Variants in FUZ observed in about 807,000 individuals in gnomAD.
FUZ encodes the protein fuzzy planar cell polarity protein.
FUZ carries 31 observed loss-of-function variants against 43.1 expected under a neutral mutation model. The observed-to-expected ratio is 0.72, with a 90% CI of 0.54 to 0.97. FUZ has a LOEUF of 0.97. FUZ is among the 50% of genes least tolerant of loss of function. The pLI is 0.00. For synonymous variants in FUZ, 274 were observed against 250.0 expected (o/e 1.10, Z -0.91); for missense variants, 539 against 543.8 (o/e 0.99, Z 0.09).
At chr19:49,813,417 G>A, upstream of FUZ, 1 of 459,384 alleles carries the variant, frequency 2.2e-6, no homozygotes, top group Non-Finnish European at 4.0e-6. Context: ...AGAGAACCAA[G>A]AAGCCGGATT....
At chr19:49,807,985 C>T (rs754496847) in intron 10 of FUZ, 42 of 296,822 alleles carry the variant, frequency 1.4e-4, no homozygotes, top group Non-Finnish European at 2.4e-4. Context: ...GGCAGTTGTG[C>T]AGAGCGCTGG....
chr19:49,807,993 T>C, intron 10 of FUZ: 1 of 346,220 alleles, frequency 2.9e-6, no homozygotes. Context: ...TGCAGAGCGC[T>C]GGACTGTGTG....
rs1342124795 is a variant in FUZ, at chr19:49,807,238, C to CA, written c.1169dup (p.Leu391AlafsTer32). 3 of 1,612,896 alleles carry CA rather than the reference C, an allele frequency of 1.9e-6. No individual in the cohort carries two copies. Among genetic ancestry groups the CA allele is most frequent in the Non-Finnish European group, 2.5e-6 (3 of 1,179,768 alleles). ...GACTCTGGGGAGACAGCAGCAGCAG[C>CA]AGCCGCCGAAGCCCCAGCTGCAAGG... On this transcript the variant is annotated frameshift_variant, in exon 11 of 11. Transcript: ENST00000313777. LOFTEE classifies it high-confidence loss of function.
Position 49,813,007 on chromosome 19 carries a change from C to A in FUZ, c.100G>T (p.Ala34Ser), listed in dbSNP as rs35138412. The stretch of plus-strand genomic sequence containing the variant: ...GTCCAAGGCCCCACCTGCTGACGGG[C>A]GGGGGCGCCGCCGCGACTGCTCCTG... Reference protein sequence around the residue: ...FCRSSRGGAPARQQLPFSVIG... With the variant: ...FCRSSRGGAPSRQQLPFSVIG... Residue 34 changes from alanine to serine, a missense_variant, in exon 1 of 11, where the codon GCC becomes TCC. Ala to Ser is a moderately conservative substitution (Grantham distance 99). Coordinates refer to ENST00000313777, the MANE Select transcript of FUZ (RefSeq NM_025129.5). 2.4e-3 allele frequency: 3,679 copies of A among 1,550,764 alleles called. 80 individuals carry two copies. The African/African-American group carries it at 0.045, about 19-fold the overall frequency.
At position 49,809,064 on chromosome 19, in the gene FUZ, G is replaced by A; in HGVS notation, c.786+99C>T. 3.3e-6 allele frequency: 4 copies of A among 1,199,632 alleles called. No individual in the cohort carries two copies. The highest frequency in any genetic ancestry group is 4.8e-6 in the Non-Finnish European group (4 of 828,626). The allele number at this position is 1,199,632 out of a possible 1,614,324, so 74.3% of individuals were successfully genotyped here. On this transcript the variant is annotated intron_variant, in intron 7 of 10. Coordinates refer to ENST00000313777, the MANE Select transcript of FUZ (RefSeq NM_025129.5). This position sits in a 1 kb window ranked among gnomAD's most constrained non-coding sequence, Gnocchi z 5.1. ...CTGGAGCGCAGTCCAGAAGAGGCGG[G>A]GCTGGGGAAAGATGCCGCTGGCAGG...
At chr19:49,812,224 G>A in intron 3 of FUZ, 27 bp downstream of exon 3, 1 of 1,546,220 alleles carries the variant, frequency 6.5e-7, no homozygotes, top group Admixed American at 1.7e-5. Context: ...CCTGGTCTGG[G>A]GAGAAAAGAG....
Position 49,809,426 on chromosome 19 carries a change from C to T in FUZ, c.642G>A (p.Pro214=), listed in dbSNP as rs1480409158. ...LLPWLVGSLP[P]QTARDYPVYL... The stretch of plus-strand genomic sequence containing the variant: ...ACACCGGGTAGTCGCGAGCGGTCTG[C>T]GGCGGCAGGGACCCCACCAGCCAGG... The change falls in exon 6 of 11, where the codon CCG becomes CCA. Residue 214 remains proline, a synonymous_variant. Coordinates refer to ENST00000313777, the MANE Select transcript of FUZ (RefSeq NM_025129.5). This position sits in a 1 kb window ranked among gnomAD's most constrained non-coding sequence, Gnocchi z 5.1. 4 of 1,543,558 alleles carry T rather than the reference C, an allele frequency of 2.6e-6. No homozygotes were observed. The African/African-American group carries it at 4.1e-5, about 16-fold the overall frequency.
At chr19:49,811,342 T>C (rs1457359606) in intron 5 of FUZ, 21 bp downstream of exon 5, 2 of 1,535,680 alleles carry the variant, frequency 1.3e-6, no homozygotes, top group Admixed American at 3.8e-5. Context: ...GGTGTAAGAG[T>C]TTCCATAGCA....
Position 49,809,325 on chromosome 19 carries a change from C to G in FUZ, c.690+53G>C, listed in dbSNP as rs1600276368. ...CTTTCCATCGCAGATCCCGCCTCCT[C>G]GCGACTCGGCCCCCAGGTCACATCC... On this transcript the variant is annotated intron_variant, in intron 6 of 10. Transcript: ENST00000313777. This position sits in a 1 kb window ranked among gnomAD's most constrained non-coding sequence, Gnocchi z 5.1. 3 of 1,547,460 alleles carry G rather than the reference C, an allele frequency of 1.9e-6. No homozygotes were observed. The highest frequency in any genetic ancestry group is 4.9e-5 in the East Asian group (2 of 40,912).
At position 49,807,108 on chromosome 19, in the gene FUZ, G is replaced by A. The variant is rs1406057060; in HGVS notation, c.*43C>T. 6 of 1,560,512 alleles carry A rather than the reference G, an allele frequency of 3.8e-6. No homozygotes were observed. The highest frequency in any genetic ancestry group is 3.5e-6 in the Non-Finnish European group (4 of 1,147,634). ...ATTGTGAGCGAATAAACAGAGAGAC[G>A]CTAACAGCCCCATGTCTGTGTCCAT... On this transcript the variant is annotated 3_prime_UTR_variant, in exon 11 of 11. Coordinates refer to ENST00000313777, the MANE Select transcript of FUZ (RefSeq NM_025129.5).
Position 49,811,159 on chromosome 19 carries a change from AAGAG to A in FUZ, c.492+200_492+203del, listed in dbSNP as rs138588199. 5,276 of 648,420 alleles carry A rather than the reference AAGAG, an allele frequency of 8.1e-3. 36 individuals carry two copies. Among genetic ancestry groups the A allele is most frequent in the Middle Eastern group, 0.016 (43 of 2,700 alleles). The allele number at this position is 648,420 out of a possible 1,614,324, so 40.2% of individuals were successfully genotyped here. A position where few individuals can be genotyped will look rare whatever the true frequency, so the allele number is the denominator to read the frequency against. On this transcript the variant is annotated intron_variant, in intron 5 of 10. Transcript: ENST00000313777. The stretch of plus-strand genomic sequence containing the variant: ...AGAGTGAAACTACGTCTCAAATAAA[AAGAG>A]AGAAAGAAAAGAAAAAAGAAAAGAA...
rs539459785 is a variant in FUZ at position 49,812,092 on chromosome 19, A to G, written c.318+159T>C. The stretch of plus-strand genomic sequence containing the variant: ...CACTGCACTCCAGCCTGGGCAACAG[A>G]GCGAGACTCCGTCTCAAAACAAAAC... On this transcript the variant is annotated intron_variant, in intron 3 of 10. Transcript: ENST00000313777. Among the ~76,000 whole-genome samples the G allele has an allele frequency of 8.3e-4, 127 of 152,310 alleles. 2 individuals are homozygous for G. In the South Asian group the frequency reaches 0.02, roughly 24 times the overall value.
rs945175421 is a variant in FUZ, at chr19:49,809,715, C to T, written c.493-140G>A. 2.6e-6 allele frequency: 2 copies of T among 783,274 alleles called. No individual in the cohort carries two copies. The highest frequency in any genetic ancestry group is 4.2e-6 in the Non-Finnish European group (2 of 473,906). 48.5% of individuals were successfully genotyped at this position (783,274 alleles called of 1,614,324 possible). ...AGTGGCCATGCTCCTACGTCTCACC[C>T]TCTCTGAGCCTGAGTTCCTTCACTT... On this transcript the variant is annotated intron_variant, in intron 5 of 10. Transcript: ENST00000313777. This position sits in a 1 kb window ranked among gnomAD's most constrained non-coding sequence, Gnocchi z 5.1.
chr19:49,807,216 T>G lies in FUZ; in HGVS notation c.1192A>C (p.Ser398Arg). The change falls in exon 11 of 11, where the codon AGT (serine) becomes CGT (arginine). Residue 398 changes from serine (S) to arginine (R), a missense_variant. Coordinates refer to ENST00000313777, the MANE Select transcript of FUZ (RefSeq NM_025129.5). The part of the protein sequence containing the change: ...RRLLLLLSPQ[S>R]PTHGLRSLAT... ...AGGCTTCGCAGCCCATGGGTGGGAC[T>G]CTGGGGAGACAGCAGCAGCAGCAGC... is the stretch of plus-strand genomic sequence containing the variant. The G allele has an allele frequency of 6.2e-7, 1 of 1,613,288 alleles. No homozygotes were observed. The highest frequency in any genetic ancestry group is 8.5e-7 in the Non-Finnish European group (1 of 1,179,840).
chr19:49,812,321 A>G lies in FUZ; in HGVS notation c.248T>C (p.Val83Ala). The change falls in exon 3 of 11, where the codon GTT becomes GCT. Residue 83 changes from valine to alanine, a missense_variant. Val to Ala is a moderately conservative substitution (Grantham distance 64). Coordinates refer to ENST00000313777, the MANE Select transcript of FUZ (RefSeq NM_025129.5). ...AGAGATGCCCACCTCAGATGACAGA[A>G]CAATGAGGGTGATGCTGTGGAATGG... is the stretch of plus-strand genomic sequence containing the variant. ...KSFHDSITLIVLSSEVGISEL... is the reference protein window; with the variant it reads ...KSFHDSITLIALSSEVGISEL... The G allele has an allele frequency of 6.2e-7, 1 of 1,613,926 alleles. No homozygotes were observed. The highest frequency in any genetic ancestry group is 8.5e-7 in the Non-Finnish European group (1 of 1,179,774).
rs1248064719 is a variant in FUZ at position 49,809,118 on chromosome 19, T to C, written c.786+45A>G. ...GGGTGGTGGGGAAGGGCCCTCCTGG[T>C]AGCGGGTGTCCTAAGAGCGAAAGCG... is the stretch of plus-strand genomic sequence containing the variant. On this transcript the variant is annotated intron_variant, in intron 7 of 10. Transcript: ENST00000313777. This position sits in a 1 kb window ranked among gnomAD's most constrained non-coding sequence, Gnocchi z 5.1. 6.6e-7 allele frequency: 1 copy of C among 1,518,718 alleles called. No homozygotes were observed. The highest frequency in any genetic ancestry group is 8.9e-7 in the Non-Finnish European group (1 of 1,118,340). 94.1% of individuals were successfully genotyped at this position (1,518,718 alleles called of 1,614,324 possible).
In FUZ at chr19:49,811,371, G is replaced by C; in HGVS notation, c.484C>G (p.Leu162Val). 1 of 1,606,418 alleles carries C rather than the reference G, an allele frequency of 6.2e-7. No homozygotes were observed. Among genetic ancestry groups the C allele is most frequent in the South Asian group, 1.1e-5 (1 of 90,232 alleles). ...CATAGCATCCCCAGTACCTGCAAGA[G>C]GGACCCCTCTGGAGGAATCACGCAG... ...VDCVIPPEGS[L>V]LQEALSGFAE... Residue 162 changes from leucine (L) to valine (V), a missense_variant, in exon 5 of 11, where the codon CTC becomes GTC. Leu to Val is a conservative substitution (Grantham distance 32). Transcript: ENST00000313777.
In FUZ at chr19:49,808,833, G is replaced by GC; in HGVS notation, c.787-11dup. 6.5e-7 allele frequency: 1 copy of GC among 1,543,864 alleles called. No individual in the cohort carries two copies. Among genetic ancestry groups the GC allele is most frequent in the Non-Finnish European group, 8.7e-7 (1 of 1,146,616 alleles). On this transcript the variant is annotated splice_polypyrimidine_tract_variant and intron_variant, in intron 7 of 10. Coordinates refer to ENST00000313777, the MANE Select transcript of FUZ (RefSeq NM_025129.5). Reference sequence around the variant, plus strand: ...ACCAGCGCTCCAGAAGCTGCAGGGGGCGTGGTCATTGTGAGGTCGTCATGG... The same window carrying GC: ...ACCAGCGCTCCAGAAGCTGCAGGGGGCCGTGGTCATTGTGAGGTCGTCATGG...
chr19:49,808,340 C>T, intron 10 of FUZ, 74 bp downstream of exon 10: 2 of 1,478,810 alleles, frequency 1.4e-6, no homozygotes, highest in Non-Finnish European at 1.8e-6. Flanking sequence ...AACCCCACCT[C>T]CTACTCCCAT....
Sources: gnomAD v4.1 joint callset for allele counts (sites outside exome capture counted in the v4.1 genomes callset) on GRCh38, gnomAD v4.1.1 for gene constraint, Gnocchi (gnomAD v3.1) non-coding constraint, MANE v1.5 for transcripts, NCBI Gene and HGNC (gene_info 2026-07-23, HGNC 2026-07-21) for gene names.